The following LRMDA variants were observed in gnomAD, a reference collection of about 807,000 sequenced individuals.
LRMDA encodes the protein leucine-rich melanocyte differentiation-associated protein.
LRMDA carries 18 observed loss-of-function variants against 29.8 expected under a neutral mutation model. The observed-to-expected ratio is 0.60, with a 90% CI of 0.42 to 0.90. The LOEUF is 0.90. Among genes scored for constraint, LRMDA ranks in the 40% least tolerant of loss-of-function variants. The pLI is 0.00. For missense variants in LRMDA, 273 were observed against 273.9 expected (o/e 1.00, Z 0.02); for synonymous variants, 125 against 109.4 (o/e 1.14, Z -0.89).
At chr10:76,356,424 A>C (rs2132438523) in intron 6 of LRMDA, among the ~76,000 whole-genome samples, 1 of 152,262 alleles carries the variant, frequency 6.6e-6, no homozygotes, top group African/African-American at 2.4e-5. Context: ...CTGCTTAGTA[A>C]CCCCTGTGTT....
At chr10:75,738,243 G>T (rs1842789400) in intron 2 of LRMDA, among the ~76,000 whole-genome samples, 1 of 151,998 alleles carries the variant, frequency 6.6e-6, no homozygotes, top group Admixed American at 6.5e-5. Flanking sequence ...TTACCAAGGA[G>T]GTAGGGCCTT....
intron 2 of LRMDA, among the ~76,000 whole-genome samples, chr10:75,964,703 A>G (rs928828850): frequency 2.0e-5 from 3 of 152,310 alleles, no homozygotes; most frequent in Admixed American, 1.3e-4. Context: ...ATCTTGGTTA[A>G]GAGTGCCTGA....
chr10:75,635,024 G>T (rs917796220), intron 2 of LRMDA, among the ~76,000 whole-genome samples: 4 of 152,046 alleles, frequency 2.6e-5, no homozygotes, highest in Non-Finnish European at 5.9e-5. Flanking sequence ...ATCTCTTAAG[G>T]GTCCATGAAA....
At chr10:76,323,478 C>A (rs1327816973) in intron 5 of LRMDA, among the ~76,000 whole-genome samples, 1 of 151,816 alleles carries the variant, frequency 6.6e-6, no homozygotes, top group Admixed American at 6.6e-5. Flanking sequence ...TTGATCCTAG[C>A]AGATGTTCTT....
At chr10:75,989,807 G>C (rs1847327655) in intron 2 of LRMDA, among the ~76,000 whole-genome samples, 1 of 152,186 alleles carries the variant, frequency 6.6e-6, no homozygotes, top group African/African-American at 2.4e-5. Context: ...TATTTCTTCT[G>C]TCCCCTGGGC....
intron 2 of LRMDA, among the ~76,000 whole-genome samples, chr10:75,523,388 A>G (rs1845383091): frequency 2.6e-5 from 4 of 152,152 alleles, no homozygotes; most frequent in Admixed American, 2.0e-4. Context: ...TTACCAAAGG[A>G]GAAAAAGAGC....
intron 5 of LRMDA, among the ~76,000 whole-genome samples, chr10:76,196,375 T>G (rs1374422694): frequency 6.6e-6 from 1 of 152,216 alleles, no homozygotes; most frequent in Non-Finnish European, 1.5e-5. Context: ...GAGCAGGGAC[T>G]CCACAGTAGC....
chr10:75,793,565 A>C (rs1048353936), intron 2 of LRMDA, among the ~76,000 whole-genome samples: 1 of 152,218 alleles, frequency 6.6e-6, no homozygotes, highest in Non-Finnish European at 1.5e-5. Context: ...GTATAAACAA[A>C]TGGTAGGATT....
intron 2 of LRMDA, among the ~76,000 whole-genome samples, chr10:75,930,435 C>T (rs1846188038): frequency 6.6e-6 from 1 of 151,808 alleles, no homozygotes; most frequent in South Asian, 2.1e-4. Flanking sequence ...GAAATCTGGA[C>T]TTACTAGCTA....
chr10:76,401,218 G>A (rs1907340), intron 6 of LRMDA, among the ~76,000 whole-genome samples: 139,542 of 152,180 alleles, frequency 0.92, 64,660 homozygotes, highest in Middle Eastern at 0.99. Context: ...GTATGCTCCA[G>A]TGACTCAATG....
At chr10:76,037,836 A>C (rs1223224655) in intron 3 of LRMDA, among the ~76,000 whole-genome samples, 1 of 152,260 alleles carries the variant, frequency 6.6e-6, no homozygotes, top group East Asian at 1.9e-4. Flanking sequence ...TGAGGGAAGA[A>C]CAAACATTCA....
At chr10:75,623,489 C>G (rs920935121) in intron 2 of LRMDA, among the ~76,000 whole-genome samples, 1 of 152,192 alleles carries the variant, frequency 6.6e-6, no homozygotes, top group Non-Finnish European at 1.5e-5. Flanking sequence ...CTGCACACAG[C>G]TCAAGCCACA....
chr10:76,266,434 G>A (rs572410581), intron 5 of LRMDA, among the ~76,000 whole-genome samples: 1 of 152,008 alleles, frequency 6.6e-6, no homozygotes, highest in African/African-American at 2.4e-5. Flanking sequence ...TTGCTTTTTT[G>A]TGTTTATGAA....
intron 2 of LRMDA, among the ~76,000 whole-genome samples, chr10:75,992,583 T>A (rs1847390570): frequency 6.6e-6 from 1 of 152,208 alleles, no homozygotes; most frequent in Non-Finnish European, 1.5e-5. Flanking sequence ...CTAACGGGCA[T>A]GGACGTTTCC....
chr10:76,114,960 C>T (rs1849644421), intron 5 of LRMDA, among the ~76,000 whole-genome samples: 2 of 152,154 alleles, frequency 1.3e-5, no homozygotes, highest in Admixed American at 6.5e-5. Flanking sequence ...CTCACATCCT[C>T]GGTATTTTTG....
At chr10:76,106,567 G>T (rs1361195118) in intron 5 of LRMDA, among the ~76,000 whole-genome samples, 1 of 152,148 alleles carries the variant, frequency 6.6e-6, no homozygotes, top group African/African-American at 2.4e-5. Context: ...TCCGTCACAA[G>T]CATCTATGTG....
chr10:75,696,691 G>A (rs186727032), intron 2 of LRMDA, among the ~76,000 whole-genome samples: 3 of 152,308 alleles, frequency 2.0e-5, no homozygotes, highest in Admixed American at 2.0e-4. Flanking sequence ...GATCCAGAAA[G>A]GGGAAATAAC....
At chr10:76,097,334 A>T (rs1849328611) in intron 5 of LRMDA, among the ~76,000 whole-genome samples, 1 of 152,126 alleles carries the variant, frequency 6.6e-6, no homozygotes, top group African/African-American at 2.4e-5. Flanking sequence ...AAATAGAGAC[A>T]GTTTTATTTC....
chr10:76,124,008 C>T (rs1301849591), intron 5 of LRMDA, among the ~76,000 whole-genome samples: 1 of 152,132 alleles, frequency 6.6e-6, no homozygotes, highest in African/African-American at 2.4e-5. Flanking sequence ...TCTCCCACTC[C>T]ACCTTTTGAA....
Sources: gnomAD v4.1 joint callset for allele counts (sites outside exome capture counted in the v4.1 genomes callset) on GRCh38, gnomAD v4.1.1 for gene constraint, MANE v1.5 for transcripts, NCBI Gene and HGNC (gene_info 2026-07-23, HGNC 2026-07-21) for gene names.